Variants in PCDHA2 observed in about 807,000 individuals in gnomAD.
The protein encoded by PCDHA2 is protocadherin alpha-2.
PCDHA2 carries 58 observed loss-of-function variants against 66.0 expected under a neutral mutation model. The observed-to-expected ratio is 0.88, with a 90% CI of 0.71 to 1.09. The LOEUF is 1.09. Ranked by LOEUF, PCDHA2 falls within the 50% of genes least tolerant of loss-of-function variation. The probability of loss-of-function intolerance (pLI) is 0.00; values close to 1 mark genes in which losing one functional copy is unlikely to be tolerated. For synonymous variants in PCDHA2, 634 were observed against 554.0 expected (o/e 1.14, Z -2.03); for missense variants, 1,267 against 1,242.3 (o/e 1.02, Z -0.30).
At chr5:140,818,969 G>C (rs1766467642) in intron 1 of PCDHA2, among the ~76,000 whole-genome samples, 1 of 152,210 alleles carries the variant, frequency 6.6e-6, no homozygotes, top group Non-Finnish European at 1.5e-5. Flanking sequence ...TCAGGGATAT[G>C]TTAGAACTAT....
At chr5:140,985,151 A>G (rs1335001570) in intron 3 of PCDHA2, among the ~76,000 whole-genome samples, 3 of 152,092 alleles carry the variant, frequency 2.0e-5, no homozygotes, top group Admixed American at 2.0e-4. Flanking sequence ...GTTAGCCAGG[A>G]TTGTCTCAAT....
chr5:140,941,284 TTCTC>T (rs1234192371), intron 1 of PCDHA2, among the ~76,000 whole-genome samples: 2 of 124,572 alleles, frequency 1.6e-5, no homozygotes, highest in African/African-American at 2.8e-5. Flanking sequence ...CTTCCTTCCT[TTCTC>T]TTTCTTTCTT....
chr5:140,835,758 G>C, intron 1 of PCDHA2: 1 of 1,613,438 alleles, frequency 6.2e-7, no homozygotes, highest in East Asian at 2.2e-5. Flanking sequence ...CGCGCAGCCC[G>C]AGTATACGGT....
chr5:140,900,187 T>C (rs529700623), intron 1 of PCDHA2, among the ~76,000 whole-genome samples: 1 of 152,346 alleles, frequency 6.6e-6, no homozygotes, highest in Non-Finnish European at 1.5e-5. Context: ...ATGTCACTTA[T>C]AATGACATCC....
At chr5:140,931,884 T>A (rs1554208638) in intron 1 of PCDHA2, among the ~76,000 whole-genome samples, 1 of 151,972 alleles carries the variant, frequency 6.6e-6, no homozygotes, top group Non-Finnish European at 1.5e-5. Flanking sequence ...ATTGCTTTCA[T>A]TTTATTTCAA....
rs1041924506 is a variant in PCDHA2 at position 140,932,800 on chromosome 5, C to T, written c.2389-46149C>T. ...GAGTGGACATAAGAGAAAAGCAATA[C>T]CTTGGAAACATATAAGTGGGAAAGT... On this transcript the variant is annotated intron_variant, in intron 1 of 3. Coordinates refer to ENST00000526136, the MANE Select transcript of PCDHA2 (RefSeq NM_018905.3). Among the ~76,000 whole-genome samples the T allele has an allele frequency of 2.6e-5, 4 of 151,684 alleles. No homozygotes were observed. The East Asian group carries it at 5.8e-4, about 22-fold the overall frequency.
At chr5:140,987,432 T>G (rs1401623974) in intron 3 of PCDHA2, among the ~76,000 whole-genome samples, 1 of 152,152 alleles carries the variant, frequency 6.6e-6, no homozygotes, top group Non-Finnish European at 1.5e-5. Flanking sequence ...GCAGGGGGCC[T>G]TTCCCCATGC....
At chr5:140,944,354 A>G (rs2093646021) in intron 1 of PCDHA2, among the ~76,000 whole-genome samples, 1 of 151,968 alleles carries the variant, frequency 6.6e-6, no homozygotes, top group South Asian at 2.1e-4. Flanking sequence ...CACCTGGCTA[A>G]TTTTTAATTT....
chr5:140,823,952 C>T (rs2150130685), intron 1 of PCDHA2: 1 of 1,613,960 alleles, frequency 6.2e-7, no homozygotes, highest in African/African-American at 1.3e-5. Flanking sequence ...TCGGCGCAGC[C>T]CACCGAGGCC....
chr5:140,929,163 G>T lies in PCDHA2; in HGVS notation c.2389-49786G>T, dbSNP rs142058597. On this transcript the variant is annotated intron_variant, in intron 1 of 3. Coordinates refer to ENST00000526136, the MANE Select transcript of PCDHA2 (RefSeq NM_018905.3). ...GACTTTCTCAGACTTATCTCTATCG[G>T]GCCTCTCTGGGACTTGGTTCTGATA... 2.4e-4 allele frequency: 385 copies of T among 1,614,058 alleles called. 2 individuals carry two copies. In the African/African-American group the frequency reaches 4.5e-3, roughly 19 times the overall value.
chr5:140,795,273 C>T lies in PCDHA2; in HGVS notation c.309C>T (p.Ser103=), dbSNP rs782414767. ...TGTGCGGGCGGAGCGCGGAATGTAG[C>T]ATCCACGTGGAGGTGATCGTGGACA... ...EELCGRSAEC[S]IHVEVIVDRP... is the part of the protein sequence containing the mutation. The change falls in exon 1 of 4, where the codon AGC becomes AGT. Residue 103 remains serine (S), a synonymous_variant. Transcript: ENST00000526136. 4 of 1,614,274 alleles carry T rather than the reference C, an allele frequency of 2.5e-6. No homozygotes were observed. In the Admixed American group the frequency reaches 5.0e-5, roughly 20 times the overall value.
In PCDHA2 at chr5:140,823,634, C is replaced by G. The variant is rs2150127652; in HGVS notation, c.2388+26282C>G. On this transcript the variant is annotated intron_variant, in intron 1 of 3. Transcript: ENST00000526136. The stretch of plus-strand genomic sequence containing the variant: ...CCAGCGCCTGGCAGTGCGCGCATCC[C>G]GTTCCGCGTGGGGCTGTACACAGGC... 6.2e-6 allele frequency: 10 copies of G among 1,613,940 alleles called. No homozygotes were observed. Among genetic ancestry groups the G allele is most frequent in the Admixed American group, 1.7e-5 (1 of 60,012 alleles).
intron 1 of PCDHA2, chr5:140,858,134 G>T (rs1277423393): frequency 3.1e-6 from 5 of 1,597,762 alleles, no homozygotes; most frequent in East Asian, 2.2e-5. Context: ...GGATGTCAAC[G>T]TGTACCTGAT....
At chr5:140,920,503 A>G (rs1411233164) in intron 1 of PCDHA2, among the ~76,000 whole-genome samples, 1 of 152,126 alleles carries the variant, frequency 6.6e-6, no homozygotes, top group Non-Finnish European at 1.5e-5. Flanking sequence ...AGTTCTACAT[A>G]CTGTTTTATG....
intron 1 of PCDHA2, among the ~76,000 whole-genome samples, chr5:140,890,620 A>G (rs1554184472): frequency 6.6e-6 from 1 of 152,196 alleles, no homozygotes; most frequent in East Asian, 1.9e-4. Flanking sequence ...TTACCCTAGA[A>G]AATTAAGCAT....
chr5:140,957,937 A>G (rs2095399590), intron 1 of PCDHA2, among the ~76,000 whole-genome samples: 1 of 152,112 alleles, frequency 6.6e-6, no homozygotes, highest in Admixed American at 6.5e-5. Flanking sequence ...AAATAATTTA[A>G]AGATCTTTAA....
chr5:140,803,023 A>G (rs1308617274), intron 1 of PCDHA2: 2 of 1,613,866 alleles, frequency 1.2e-6, no homozygotes, highest in Non-Finnish European at 1.7e-6. Context: ...TGGCTTTCGT[A>G]TGAGCTGCAG....
chr5:140,989,685 A>G (rs1393246206), intron 3 of PCDHA2, among the ~76,000 whole-genome samples: 2 of 152,186 alleles, frequency 1.3e-5, no homozygotes, highest in Non-Finnish European at 2.9e-5. Context: ...TTTCAAAGGA[A>G]CGTGAAAATT....
chr5:140,889,035 T>C (rs1554183751), intron 1 of PCDHA2, among the ~76,000 whole-genome samples: 2 of 152,104 alleles, frequency 1.3e-5, no homozygotes. Flanking sequence ...AACCGTAATT[T>C]GATTATAATT....
Sources: allele counts gnomAD v4.1 joint callset (sites outside exome capture counted in the v4.1 genomes callset), GRCh38; gene constraint gnomAD v4.1.1; transcripts MANE v1.5; gene names NCBI Gene and HGNC (gene_info 2026-07-23, HGNC 2026-07-21).